Variants in CNPPD1 observed in about 807,000 individuals in gnomAD.
CNPPD1 encodes cyclin Pas1/PHO80 domain containing 1.
Under a neutral mutation model 43.7 loss-of-function variants are expected in CNPPD1, and 40 were observed. The observed-to-expected ratio is 0.92, with a 90% CI of 0.71 to 1.19. The LOEUF (loss-of-function observed/expected upper bound fraction) is 1.19. Ranked by LOEUF, CNPPD1 falls within the 50% of genes most tolerant of loss-of-function variation. CNPPD1 has a pLI of 0.00. For missense variants in CNPPD1, 511 were observed against 518.5 expected (o/e 0.99, Z 0.14); for synonymous variants, 208 against 214.3 (o/e 0.97, Z 0.26).
Position 219,176,232 on chromosome 2 carries a change from G to A in CNPPD1, c.169C>T (p.Pro57Ser). Residue 57 changes from proline (P) to serine (S), a missense_variant, in exon 2 of 8, where the codon CCG (proline) becomes TCG (serine). Physicochemically the swap from Pro to Ser is moderately conservative, Grantham distance 74. Coordinates refer to ENST00000360507, the MANE Select transcript of CNPPD1 (RefSeq NM_015680.6). ...CACAACACTGCCTAACCTGCCACCG[G>A]GCTGGAGAGCTCCTCCAGGCTACAG... The part of the protein sequence containing the change: ...ADCSLEELSS[P>S]VADIAVELLQ... The A allele has an allele frequency of 6.2e-7, 1 of 1,612,490 alleles. No homozygotes were observed. Among genetic ancestry groups the A allele is most frequent in the Non-Finnish European group, 8.5e-7 (1 of 1,178,490 alleles).
chr2:219,175,553 C>T, intron 3 of CNPPD1, 38 bp downstream of exon 3: 1 of 1,531,598 alleles, frequency 6.5e-7, no homozygotes, highest in Non-Finnish European at 9.0e-7. Flanking sequence ...TTCTCTAGGG[C>T]CCAAACACTC....
At chr2:219,175,176 C>T (rs1436166412) in intron 3 of CNPPD1, 68 bp from the exon 4 acceptor site, 14 of 1,505,194 alleles carry the variant, frequency 9.3e-6, no homozygotes, top group Admixed American at 2.2e-5. Flanking sequence ...TTATGATGCT[C>T]GTTCCTGTCT....
chr2:219,176,730 G>C, intron 1 of CNPPD1, 30 bp downstream of exon 1: 2 of 1,519,852 alleles, frequency 1.3e-6, no homozygotes, highest in Non-Finnish European at 1.8e-6. Flanking sequence ...CGCGCCGGGA[G>C]GCCGGGGAGG....
chr2:219,172,339 A>G lies in CNPPD1; in HGVS notation c.*247T>C, dbSNP rs1950083205. 8.8e-6 allele frequency: 5 copies of G among 566,884 alleles called. No homozygotes were observed. The African/African-American group carries it at 9.4e-5, about 11-fold the overall frequency. 35.1% of individuals were successfully genotyped at this position (566,884 alleles called of 1,614,324 possible). A position where few individuals can be genotyped will look rare whatever the true frequency, so the allele number is the denominator to read the frequency against. ...AGAGGGGCTTCTATGTCCATCTGGG[A>G]CATGTCCCTGGTCACCAAGCGGAAG... On this transcript the variant is annotated 3_prime_UTR_variant, in exon 8 of 8. Transcript: ENST00000360507.
At chr2:219,173,172 A>G in intron 7 of CNPPD1, 44 bp from the exon 8 acceptor site, 3 of 1,519,530 alleles carry the variant, frequency 2.0e-6, no homozygotes, top group Non-Finnish European at 2.7e-6. Flanking sequence ...TCTTTAACAC[A>G]TTCACCCCTT....
chr2:219,173,403 C>G lies in CNPPD1; in HGVS notation c.637G>C (p.Glu213Gln). 1 of 1,613,850 alleles carries G rather than the reference C, an allele frequency of 6.2e-7. No homozygotes were observed. The highest frequency in any genetic ancestry group is 8.5e-7 in the Non-Finnish European group (1 of 1,179,982). ...YTYTDLCVLL[E>Q]QPTWQLALGS... is the part of the protein sequence containing the mutation. ...AGGGCCAACTGCCAGGTCGGCTGCT[C>G]CAGCAGCACACACAGGTCTGTGTAG... The change falls in exon 7 of 8, where the codon GAG (glutamate) becomes CAG (glutamine). Residue 213 changes from glutamate (E) to glutamine (Q), a missense_variant. Transcript: ENST00000360507.
rs1387577400 is a variant in CNPPD1, at chr2:219,172,853, A to G, written c.966T>C (p.Pro322=). ...TGGGAGGGGCAGGGGGGTCTGGGGGAGGCAATGGTGGAGGAGTCAGTGAGG... is the reference window on the plus strand; with the variant it reads ...TGGGAGGGGCAGGGGGGTCTGGGGGGGGCAATGGTGGAGGAGTCAGTGAGG... ...LLASLTPPPL[P]PPDPPAPPTL... Residue 322 remains proline, a synonymous_variant, in exon 8 of 8, where the codon CCT becomes CCC. Transcript: ENST00000360507. 6 of 1,588,394 alleles carry G rather than the reference A, an allele frequency of 3.8e-6. No individual in the cohort carries two copies. Among genetic ancestry groups the G allele is most frequent in the Non-Finnish European group, 3.4e-6 (4 of 1,166,364 alleles).
At chr2:219,176,366 C>A (rs756659529) in intron 1 of CNPPD1, 35 bp from the exon 2 acceptor site, 5 of 1,493,508 alleles carry the variant, frequency 3.3e-6, no homozygotes, top group Non-Finnish European at 3.7e-6. Context: ...GGGTGAAGGG[C>A]ACGGAAAGGT....
At position 219,172,980 on chromosome 2, in the gene CNPPD1, G is replaced by A. The variant is rs1160288629; in HGVS notation, c.839C>T (p.Pro280Leu). The A allele has an allele frequency of 6.2e-7, 1 of 1,613,940 alleles. No homozygotes were observed. Among genetic ancestry groups the A allele is most frequent in the East Asian group, 2.2e-5 (1 of 44,876 alleles). ...LGLTSRCLLE[P>L]CIPSVPQCLP... Reference sequence around the variant, plus strand: ...GCATTGTGGCACAGAAGGTATGCAGGGCTCCAGGAGGCAACGGGAGGTCAG... The same window carrying A: ...GCATTGTGGCACAGAAGGTATGCAGAGCTCCAGGAGGCAACGGGAGGTCAG... Residue 280 changes from proline (P) to leucine (L), a missense_variant, in exon 8 of 8, where the codon CCC becomes CTC. Coordinates refer to ENST00000360507, the MANE Select transcript of CNPPD1 (RefSeq NM_015680.6).
intron 6 of CNPPD1, 44 bp downstream of exon 6, chr2:219,174,102 C>A: frequency 1.3e-6 from 2 of 1,585,546 alleles, no homozygotes; most frequent in African/African-American, 1.3e-5. Context: ...GAGGACTCAG[C>A]CCCCAAATCC....
Position 219,175,673 on chromosome 2 carries a change from C to T in CNPPD1, c.179-1G>A, listed in dbSNP as rs1032840120. The T allele has an allele frequency of 5.0e-6, 8 of 1,613,848 alleles. No individual in the cohort carries two copies. The South Asian group carries it at 7.7e-5, about 16-fold the overall frequency. On this transcript the variant is annotated splice_acceptor_variant, in intron 2 of 7. Transcript: ENST00000360507. LOFTEE classifies it high-confidence loss of function. The stretch of plus-strand genomic sequence containing the variant: ...TTCTGGAGCAGTTCGACAGCAATGT[C>T]TGCAAGGGACAGAAGGAAGGCCGAG...
rs773615279 is a variant in CNPPD1 at position 219,176,237 on chromosome 2, G to C, written c.164C>G (p.Ser55Cys). The C allele has an allele frequency of 6.2e-7, 1 of 1,613,420 alleles. No homozygotes were observed. Among genetic ancestry groups the C allele is most frequent in the Non-Finnish European group, 8.5e-7 (1 of 1,179,352 alleles). Residue 55 changes from serine (S) to cysteine (C), a missense_variant, in exon 2 of 8, where the codon TCC (serine) becomes TGC (cysteine). Physicochemically the swap from Ser to Cys is moderately radical, Grantham distance 112. Coordinates refer to ENST00000360507, the MANE Select transcript of CNPPD1 (RefSeq NM_015680.6). ...WEADCSLEEL[S>C]SPVADIAVEL... The stretch of plus-strand genomic sequence containing the variant: ...CACTGCCTAACCTGCCACCGGGCTG[G>C]AGAGCTCCTCCAGGCTACAGTCGGC...
chr2:219,177,575 C>G (rs981331341), upstream of CNPPD1: 5 of 151,296 alleles, frequency 3.3e-5, no homozygotes, highest in Middle Eastern at 3.2e-3. Context: ...GTAATTTGAA[C>G]TTTTAAACCT....
chr2:219,175,484 G>A lies in CNPPD1; in HGVS notation c.260+107C>T, dbSNP rs1950143999. 3 of 1,076,670 alleles carry A rather than the reference G, an allele frequency of 2.8e-6. No individual in the cohort carries two copies. In the South Asian group the frequency reaches 4.4e-5, roughly 16 times the overall value. 66.7% of individuals were successfully genotyped at this position (1,076,670 alleles called of 1,614,324 possible). A position where few individuals can be genotyped will look rare whatever the true frequency, so the allele number is the denominator to read the frequency against. On this transcript the variant is annotated intron_variant, in intron 3 of 7. Transcript: ENST00000360507. ...TGCACTCCAGCCTGGGTGACAAAGT[G>A]AGACTGTCTCAAAAAAAAAAAAAAG...
Position 219,173,055 on chromosome 2 carries a change from T to C in CNPPD1, c.764A>G (p.Gln255Arg). The change falls in exon 8 of 8, where the codon CAG becomes CGG. Residue 255 changes from glutamine to arginine, a missense_variant. Coordinates refer to ENST00000360507, the MANE Select transcript of CNPPD1 (RefSeq NM_015680.6). ...AGGGATGCAGGACAGCCCCAAAGACTGATGTATTACGGCCACCGATGCCAC... is the reference window on the plus strand; with the variant it reads ...AGGGATGCAGGACAGCCCCAAAGACCGATGTATTACGGCCACCGATGCCAC... ...LAVASVAVIH[Q>R]SLGLSCIPTP... 6.2e-7 allele frequency: 1 copy of C among 1,611,466 alleles called. No individual in the cohort carries two copies. Among genetic ancestry groups the C allele is most frequent in the Non-Finnish European group, 8.5e-7 (1 of 1,179,692 alleles).
chr2:219,177,562 A>C (rs1206912356), upstream of CNPPD1: 1 of 150,178 alleles, frequency 6.7e-6, no homozygotes, highest in East Asian at 1.9e-4. Context: ...TTTTTTTTTT[A>C]CTGTAATTTG....
At position 219,176,305 on chromosome 2, in the gene CNPPD1, A is replaced by T. The variant is rs775873740; in HGVS notation, c.96T>A (p.Ser32Arg). 1.2e-6 allele frequency: 2 copies of T among 1,614,116 alleles called. No individual in the cohort carries two copies. Among genetic ancestry groups the T allele is most frequent in the Non-Finnish European group, 1.7e-6 (2 of 1,179,990 alleles). The change falls in exon 2 of 8, where the codon AGT (serine) becomes AGA (arginine). Residue 32 changes from serine to arginine, a missense_variant. Coordinates refer to ENST00000360507, the MANE Select transcript of CNPPD1 (RefSeq NM_015680.6). ...FTFLPGHQKL[S>R]ARIRRRLYYG... is the part of the protein sequence containing the mutation. ...AGTAGAGCCTCCTTCGGATCCGGGC[A>T]CTCAGCTTCTGGTGTCCTGGGAGGA...
At position 219,176,256 on chromosome 2, in the gene CNPPD1, A is replaced by C; in HGVS notation, c.145T>G (p.Cys49Gly). 6.2e-7 allele frequency: 1 copy of C among 1,614,104 alleles called. No homozygotes were observed. Among genetic ancestry groups the C allele is most frequent in the Middle Eastern group, 1.6e-4 (1 of 6,062 alleles). ...GGGCTGGAGAGCTCCTCCAGGCTAC[A>C]GTCGGCTTCCCAGTCCCAGCCATAG... ...LYYGWDWEAD[C>G]SLEELSSPVA... Residue 49 changes from cysteine (C) to glycine (G), a missense_variant, in exon 2 of 8, where the codon TGT becomes GGT. Cys to Gly is a radical substitution (Grantham distance 159). Coordinates refer to ENST00000360507, the MANE Select transcript of CNPPD1 (RefSeq NM_015680.6).
chr2:219,177,161 C>T (rs1950187472), upstream of CNPPD1: 1 of 253,084 alleles, frequency 4.0e-6, no homozygotes, highest in Non-Finnish European at 7.5e-6. Context: ...GTGCCGCGTC[C>T]GCCCGGCGTT....
Sources: allele counts gnomAD v4.1 joint callset, GRCh38; gene constraint gnomAD v4.1.1; transcripts MANE v1.5; gene names NCBI Gene and HGNC (gene_info 2026-07-23, HGNC 2026-07-21).